Variants in FAM117B observed in about 807,000 individuals in gnomAD.
The protein encoded by FAM117B is family with sequence similarity 117 member B, also known as protein FAM117B.
A neutral mutation model predicts 52.8 loss-of-function variants in FAM117B; 22 were observed. That is an observed-to-expected ratio of 0.42 (90% CI 0.30 to 0.59). FAM117B has a LOEUF of 0.59. Among genes scored for constraint, FAM117B ranks in the 20% least tolerant of loss-of-function variants. The pLI, the probability that FAM117B is intolerant of heterozygous loss-of-function variation, is 0.22. For synonymous variants in FAM117B, 309 were observed against 324.1 expected, an observed-to-expected ratio of 0.95 and a Z score of 0.50; for missense variants, 678 against 802.6, an observed-to-expected ratio of 0.84 and a Z score of 1.88.
At chr2:202,746,985 C>T (rs547869704) in intron 4 of FAM117B, among the ~76,000 whole-genome samples, 3 of 150,934 alleles carry the variant, frequency 2.0e-5, no homozygotes, top group African/African-American at 4.9e-5. Context: ...CAAAAACCCA[C>T]TATGGGCCAG....
intron 2 of FAM117B, among the ~76,000 whole-genome samples, chr2:202,712,419 C>CTTTTTTTTT (rs1186703318): frequency 1.5e-4 from 13 of 89,436 alleles, no homozygotes; most frequent in African/African-American, 2.7e-4. Context: ...TATCAGCTCT[C>CTTTTTTTTT]TTTTTTTTTT....
chr2:202,734,643 G>T lies in FAM117B; in HGVS notation c.960+8280G>T, dbSNP rs180825416. 1.1e-3 allele frequency among the ~76,000 whole-genome samples: 163 copies of T among 152,294 alleles called. 1 individual carries two copies. Among genetic ancestry groups the T allele is most frequent in the African/African-American group, 3.8e-3 (157 of 41,572 alleles). On this transcript the variant is annotated intron_variant, in intron 4 of 7. Coordinates refer to ENST00000392238, the MANE Select transcript of FAM117B (RefSeq NM_173511.4). Reference sequence around the variant, plus strand: ...CCTGCTAGAGGTGTGAAGTTCCTCAGTTTCTCTGCATAGTAATATTACCTG... The same window carrying T: ...CCTGCTAGAGGTGTGAAGTTCCTCATTTTCTCTGCATAGTAATATTACCTG...
chr2:202,686,506 C>T (rs951275950), intron 1 of FAM117B, among the ~76,000 whole-genome samples: 5 of 152,066 alleles, frequency 3.3e-5, no homozygotes, highest in Admixed American at 6.6e-5. Context: ...GGAAGCAATC[C>T]GCGCCCATCG....
At chr2:202,662,417 C>T (rs1690144753) in intron 1 of FAM117B, among the ~76,000 whole-genome samples, 1 of 152,088 alleles carries the variant, frequency 6.6e-6, no homozygotes, top group African/African-American at 2.4e-5. Context: ...TGGGAAAAGT[C>T]AGTCAACTGG....
Position 202,766,197 on chromosome 2 carries a change from TAC to T in FAM117B, c.*434_*435del, listed in dbSNP as rs1225546661. The T allele has an allele frequency of 1.3e-5, 2 of 155,334 alleles. No individual in the cohort carries two copies. Among genetic ancestry groups the T allele is most frequent in the Non-Finnish European group, 2.9e-5 (2 of 70,030 alleles). 9.6% of individuals were successfully genotyped at this position (155,334 alleles called of 1,614,324 possible). A position where few individuals can be genotyped will look rare whatever the true frequency, so the allele number is the denominator to read the frequency against. On this transcript the variant is annotated 3_prime_UTR_variant, in exon 8 of 8. Coordinates refer to ENST00000392238, the MANE Select transcript of FAM117B (RefSeq NM_173511.4). ...CTATGAAAATGACTATTTTATAATA[TAC>T]CAATGTTACATTTTCTGAAACGTAG...
chr2:202,670,997 A>C (rs946655062), intron 1 of FAM117B, among the ~76,000 whole-genome samples: 1 of 152,242 alleles, frequency 6.6e-6, no homozygotes, highest in African/African-American at 2.4e-5. Flanking sequence ...TGAAAGCTTG[A>C]AAGTGTTGAT....
chr2:202,665,162 A>G (rs1416707576), intron 1 of FAM117B, among the ~76,000 whole-genome samples: 3 of 150,730 alleles, frequency 2.0e-5, no homozygotes, highest in African/African-American at 4.9e-5. Flanking sequence ...TCTTTTCCAC[A>G]TGACCCTCTC....
intron 1 of FAM117B, among the ~76,000 whole-genome samples, chr2:202,664,789 AG>A (rs1690178129): frequency 6.6e-6 from 1 of 152,062 alleles, no homozygotes; most frequent in Admixed American, 6.5e-5. Context: ...ATAAGAAGTC[AG>A]TCTGAAGGAA....
intron 2 of FAM117B, among the ~76,000 whole-genome samples, chr2:202,704,495 G>A (rs1415010095): frequency 1.3e-5 from 2 of 152,204 alleles, no homozygotes; most frequent in Non-Finnish European, 2.9e-5. Context: ...CACTGCTGCA[G>A]CAAAGAGTAT....
At chr2:202,701,125 T>G (rs1178528740) in intron 2 of FAM117B, among the ~76,000 whole-genome samples, 2 of 152,234 alleles carry the variant, frequency 1.3e-5, no homozygotes, top group Non-Finnish European at 2.9e-5. Flanking sequence ...CAAATGCAGC[T>G]GGTGACTTTA....
chr2:202,730,283 C>G (rs1691319641), intron 4 of FAM117B, among the ~76,000 whole-genome samples: 1 of 152,052 alleles, frequency 6.6e-6, no homozygotes, highest in South Asian at 2.1e-4. Flanking sequence ...ACCTCAGAGT[C>G]TGAGGTTTTT....
In FAM117B at chr2:202,759,138, T is replaced by A. The variant is rs1574307047; in HGVS notation, c.1331-95T>A. 17 of 1,341,530 alleles carry A rather than the reference T, an allele frequency of 1.3e-5. No homozygotes were observed. In the East Asian group the frequency reaches 4.0e-4, roughly 31 times the overall value. 83.1% of individuals were successfully genotyped at this position (1,341,530 alleles called of 1,614,324 possible). On this transcript the variant is annotated intron_variant, in intron 6 of 7. Transcript: ENST00000392238. ...TCCTTGATTAATAAAGCACTGTTCC[T>A]GCCCTCAAGTAGTTCATGGTGGGCT...
intron 7 of FAM117B, 73 bp downstream of exon 7, chr2:202,759,426 G>T: frequency 1.3e-6 from 2 of 1,559,566 alleles, no homozygotes; most frequent in Admixed American, 1.9e-5. Context: ...ATCTCACTCT[G>T]TCATCTAGGC....
chr2:202,755,001 A>G (rs1186584888), intron 4 of FAM117B, among the ~76,000 whole-genome samples: 2 of 151,786 alleles, frequency 1.3e-5, no homozygotes, highest in Non-Finnish European at 2.9e-5. Flanking sequence ...AACTTAAATC[A>G]TGGTGGAAGG....
chr2:202,661,070 C>T (rs560218447), intron 1 of FAM117B, among the ~76,000 whole-genome samples: 2 of 152,316 alleles, frequency 1.3e-5, no homozygotes, highest in South Asian at 2.1e-4. Context: ...TTGGGATGCC[C>T]TTGAATCTAA....
At chr2:202,697,783 C>T (rs1690734953) in intron 2 of FAM117B, among the ~76,000 whole-genome samples, 1 of 152,112 alleles carries the variant, frequency 6.6e-6, no homozygotes, top group African/African-American at 2.4e-5. Context: ...CTCCTGTCCT[C>T]AAGTGATCTG....
At chr2:202,689,754 C>CA (rs928083967) in intron 1 of FAM117B, among the ~76,000 whole-genome samples, 1 of 151,932 alleles carries the variant, frequency 6.6e-6, no homozygotes, top group Non-Finnish European at 1.5e-5. Flanking sequence ...TCCATCCCTA[C>CA]AAAAAATACA....
chr2:202,700,354 A>G (rs1322872038), intron 2 of FAM117B, among the ~76,000 whole-genome samples: 2 of 152,244 alleles, frequency 1.3e-5, no homozygotes, highest in Non-Finnish European at 2.9e-5. Context: ...ATTATGAATG[A>G]TAAGAAAGTG....
chr2:202,676,865 T>C (rs956839075), intron 1 of FAM117B, among the ~76,000 whole-genome samples: 2 of 152,120 alleles, frequency 1.3e-5, no homozygotes, highest in Non-Finnish European at 2.9e-5. Flanking sequence ...AACAGACTAT[T>C]GGCATAAATC....
Sources: gnomAD v4.1 joint callset for allele counts (sites outside exome capture counted in the v4.1 genomes callset) on GRCh38, gnomAD v4.1.1 for gene constraint, MANE v1.5 for transcripts, NCBI Gene and HGNC (gene_info 2026-07-23, HGNC 2026-07-21) for gene names.